Variants in FRAS1 observed in about 807,000 individuals in gnomAD.
FRAS1 encodes the protein extracellular matrix organizing protein FRAS1.
A neutral mutation model predicts 435.2 loss-of-function variants in FRAS1; 290 were observed. That is an observed-to-expected ratio of 0.67 (90% CI 0.61 to 0.73). FRAS1 has a LOEUF of 0.73. FRAS1 is among the 30% of genes least tolerant of loss of function. The pLI, the probability that FRAS1 is intolerant of heterozygous loss-of-function variation, is 0.00. For synonymous variants in FRAS1, 1,800 were observed against 1,851.0 expected (o/e 0.97, Z 0.71); for missense variants, 4,860 against 5,001.5 (o/e 0.97, Z 0.85).
At chr4:78,521,725 AC>A in intron 68 of FRAS1, 95 bp downstream of exon 68, 1 of 718,686 alleles carries the variant, frequency 1.4e-6, no homozygotes, top group Non-Finnish European at 2.3e-6. Flanking sequence ...AAAACAGTCA[AC>A]AATGATTAAC....
chr4:78,462,033 G>C (rs1251572106), intron 47 of FRAS1, among the ~76,000 whole-genome samples: 1 of 152,172 alleles, frequency 6.6e-6, no homozygotes, highest in East Asian at 1.9e-4. Flanking sequence ...TCACTATTTT[G>C]AATGAGGTGA....
intron 62 of FRAS1, among the ~76,000 whole-genome samples, chr4:78,507,891 T>G (rs28361383): frequency 0.33 from 49,995 of 152,038 alleles, 8,953 homozygotes; most frequent in South Asian, 0.52. Context: ...ACAACAAAAG[T>G]AATTATTTGG....
intron 6 of FRAS1, among the ~76,000 whole-genome samples, chr4:78,259,840 G>T (rs1267046405): frequency 1.3e-5 from 2 of 151,318 alleles, no homozygotes; most frequent in African/African-American, 4.9e-5. Flanking sequence ...TATGGTTTTA[G>T]GTTGAACGTT....
At chr4:78,249,064 CATATATAT>C (rs200267733) in intron 4 of FRAS1, among the ~76,000 whole-genome samples, 13 of 16,638 alleles carry the variant, frequency 7.8e-4, no homozygotes, top group South Asian at 7.8e-3. Context: ...TATATATATG[CATATATAT>C]ATATATATAT....
At chr4:78,194,598 C>T (rs1722712974) in intron 2 of FRAS1, among the ~76,000 whole-genome samples, 1 of 152,168 alleles carries the variant, frequency 6.6e-6, no homozygotes, top group African/African-American at 2.4e-5. Flanking sequence ...TCACGTATTT[C>T]TTGTGCTTTG....
At chr4:78,472,961 CT>C (rs1392248125) in intron 52 of FRAS1, among the ~76,000 whole-genome samples, 1 of 152,126 alleles carries the variant, frequency 6.6e-6, no homozygotes, top group African/African-American at 2.4e-5. Context: ...CTCCTCACAC[CT>C]TTTTAGCTGT....
At chr4:78,164,539 G>A (rs898915928) in intron 2 of FRAS1, among the ~76,000 whole-genome samples, 3 of 151,712 alleles carry the variant, frequency 2.0e-5, no homozygotes, top group African/African-American at 7.3e-5. Context: ...TTCTTCTAAA[G>A]GGAAAAAATC....
At chr4:78,058,140 A>AT in intron 1 of FRAS1, 55 bp downstream of exon 1, 1 of 1,402,880 alleles carries the variant, frequency 7.1e-7, no homozygotes, top group Non-Finnish European at 9.9e-7. Context: ...GTGTGTGTGT[A>AT]TGTGTGAGTG....
At chr4:78,194,097 G>T (rs1433012272) in intron 2 of FRAS1, among the ~76,000 whole-genome samples, 2 of 152,074 alleles carry the variant, frequency 1.3e-5, no homozygotes, top group African/African-American at 4.8e-5. Flanking sequence ...TTGAATATTG[G>T]CCCCCACTCT....
intron 22 of FRAS1, 89 bp downstream of exon 22, chr4:78,364,143 C>G: frequency 2.2e-6 from 3 of 1,367,430 alleles, no homozygotes; most frequent in Non-Finnish European, 3.0e-6. Flanking sequence ...TTACTTCCAT[C>G]TTCTCACCTG....
chr4:78,374,234 C>T lies in FRAS1; in HGVS notation c.3134C>T (p.Ala1045Val). 6.3e-7 allele frequency: 1 copy of T among 1,595,810 alleles called. No individual in the cohort carries two copies. Among genetic ancestry groups the T allele is most frequent in the African/African-American group, 1.4e-5 (1 of 73,934 alleles). ...ECGKGYFADH[A>V]KHKCTACPQG... is the part of the protein sequence containing the mutation. ...GGGAAGGGGTACTTTGCAGATCATGCAAAGCACAAATGCACAGGTAACTTG... is the reference window on the plus strand; with the variant it reads ...GGGAAGGGGTACTTTGCAGATCATGTAAAGCACAAATGCACAGGTAACTTG... The change falls in exon 25 of 74, where the codon GCA becomes GTA. Residue 1045 changes from alanine to valine, a missense_variant. Ala to Val is a moderately conservative substitution (Grantham distance 64, BLOSUM62 0). Transcript: ENST00000512123.
intron 2 of FRAS1, among the ~76,000 whole-genome samples, chr4:78,166,597 A>G (rs1202924290): frequency 6.6e-6 from 1 of 152,190 alleles, no homozygotes; most frequent in African/African-American, 2.4e-5. Flanking sequence ...AATAAAAACT[A>G]TTCTCTCAAG....
chr4:78,101,547 C>G lies in FRAS1; in HGVS notation c.108+35531C>G, dbSNP rs148044305. ...TGTATTTTTTTTAACATTTTTCATC[C>G]AAAGCATTTGGTAGTGAATTTTTTT... On this transcript the variant is annotated intron_variant, in intron 2 of 73. Transcript: ENST00000512123. Among the ~76,000 whole-genome samples the G allele has an allele frequency of 1.4e-4, 21 of 152,116 alleles. No homozygotes were observed. In the East Asian group the frequency reaches 4.1e-3, roughly 29 times the overall value.
rs373422848 is a variant in FRAS1 at position 78,421,870 on chromosome 4, C to T, written c.4548C>T (p.Ile1516=). Reference sequence around the variant, plus strand: ...CAAATCTCTTCCTCCCAGGTATCATCGAGCACCGGGACCACCCTCACTCTC... The same window carrying T: ...CAAATCTCTTCCTCCCAGGTATCATTGAGCACCGGGACCACCCTCACTCTC... ...TLPLHPNQGI[I]EHRDHPHSPI... Residue 1516 remains isoleucine, a synonymous_variant, in exon 34 of 74, where the codon ATC becomes ATT. Transcript: ENST00000512123. 1.9e-6 allele frequency: 3 copies of T among 1,613,820 alleles called. No individual in the cohort carries two copies. Among genetic ancestry groups the T allele is most frequent in the South Asian group, 1.1e-5 (1 of 91,056 alleles).
intron 9 of FRAS1, among the ~76,000 whole-genome samples, chr4:78,273,345 A>G (rs921357404): frequency 1.3e-5 from 2 of 152,146 alleles, no homozygotes; most frequent in Non-Finnish European, 2.9e-5. Flanking sequence ...AACTTCCAAC[A>G]CTATGTTGAA....
chr4:78,392,735 C>CAGATT (rs10667941), intron 29 of FRAS1, among the ~76,000 whole-genome samples: 67,697 of 151,030 alleles, frequency 0.45, 16,155 homozygotes, highest in African/African-American at 0.63. Context: ...CATTACTGGG[C>CAGATT]ATTCAGTTGG....
intron 4 of FRAS1, among the ~76,000 whole-genome samples, chr4:78,246,448 C>T (rs1578204439): frequency 1.3e-5 from 2 of 152,060 alleles, no homozygotes; most frequent in South Asian, 2.1e-4. Context: ...CACTTCTGCA[C>T]AATGTGTTGC....
At chr4:78,183,558 T>C (rs1200883508) in intron 2 of FRAS1, among the ~76,000 whole-genome samples, 1 of 152,092 alleles carries the variant, frequency 6.6e-6, no homozygotes, top group Non-Finnish European at 1.5e-5. Context: ...TAATAAAGAG[T>C]GACCTTGCCT....
chr4:78,277,091 C>T (rs902623336), intron 9 of FRAS1, among the ~76,000 whole-genome samples: 7 of 152,188 alleles, frequency 4.6e-5, no homozygotes, highest in Non-Finnish European at 8.8e-5. Flanking sequence ...AGTGAGGCTC[C>T]GTGAGCATGG....
Sources: allele counts gnomAD v4.1 joint callset (sites outside exome capture counted in the v4.1 genomes callset), GRCh38; gene constraint gnomAD v4.1.1; transcripts MANE v1.5; gene names NCBI Gene and HGNC (gene_info 2026-07-23, HGNC 2026-07-21).